DYRK1A: variants seen among roughly 807,000 people sequenced by gnomAD.
DYRK1A encodes the protein dual specificity tyrosine phosphorylation regulated kinase 1A, also known as dual specificity tyrosine-phosphorylation-regulated kinase 1A.
In DYRK1A, 9 loss-of-function variants were observed where a neutral mutation model predicts 79.7. The observed-to-expected ratio is 0.11, with a 90% CI of 0.07 to 0.20. DYRK1A has a LOEUF of 0.20. Ranked by LOEUF, DYRK1A falls within the 10% of genes least tolerant of loss-of-function variation. DYRK1A has a pLI of 1.00. For missense variants in DYRK1A, 622 were observed against 956.0 expected, an observed-to-expected ratio of 0.65 and a Z score of 4.61; for synonymous variants, 349 against 329.7, an observed-to-expected ratio of 1.06 and a Z score of -0.63.
intron 1 of DYRK1A, among the ~76,000 whole-genome samples, chr21:37,410,846 G>A (rs1490711636): frequency 2.0e-5 from 3 of 151,988 alleles, no homozygotes; most frequent in Non-Finnish European, 2.9e-5. Context: ...ACAAGAGTTC[G>A]GGACCAACCT....
rs963191422 is a variant in DYRK1A at position 37,513,369 on chromosome 21, T to C, written c.*838T>C. On this transcript the variant is annotated 3_prime_UTR_variant, in exon 12 of 12. Coordinates refer to ENST00000647188, the MANE Select transcript of DYRK1A (RefSeq NM_001347721.2). ...GTCTTTGGGATAACCTTTGGCCTTA[T>C]GGATTTGGACTCGAAATTAGAAGAG... The C allele has an allele frequency of 1.3e-5, 2 of 152,688 alleles. No homozygotes were observed. The highest frequency in any genetic ancestry group is 2.9e-5 in the Non-Finnish European group (2 of 68,082). The allele number at this position is 152,688 out of a possible 1,614,324, so 9.5% of individuals were successfully genotyped here. A position where few individuals can be genotyped will look rare whatever the true frequency, so the allele number is the denominator to read the frequency against.
chr21:37,489,358 G>A (rs1418459389), intron 6 of DYRK1A, among the ~76,000 whole-genome samples: 1 of 152,152 alleles, frequency 6.6e-6, no homozygotes, highest in Non-Finnish European at 1.5e-5. Context: ...TGTGACGTCA[G>A]TGTTAATAGT....
At chr21:37,472,364 T>C (rs1387984395) in intron 2 of DYRK1A, among the ~76,000 whole-genome samples, 1 of 152,208 alleles carries the variant, frequency 6.6e-6, no homozygotes, top group East Asian at 1.9e-4. Context: ...AAAGATTACT[T>C]ATTTAACTTG....
chr21:37,392,794 T>TA (rs2049895640), intron 1 of DYRK1A, among the ~76,000 whole-genome samples: 1 of 152,166 alleles, frequency 6.6e-6, no homozygotes, highest in Non-Finnish European at 1.5e-5. Flanking sequence ...AATAATTTCT[T>TA]ACAGTTCTGG....
intron 1 of DYRK1A, among the ~76,000 whole-genome samples, chr21:37,416,743 CTGT>C (rs1034144495): frequency 6.9e-4 from 105 of 151,920 alleles, no homozygotes; most frequent in African/African-American, 2.5e-3. Context: ...TGTAGCTTTT[CTGT>C]TGTTGCTTAT....
chr21:37,489,424 C>T (rs1034192024), intron 6 of DYRK1A, among the ~76,000 whole-genome samples: 4 of 152,218 alleles, frequency 2.6e-5, no homozygotes, highest in African/African-American at 7.2e-5. Context: ...AGAGGGTCAA[C>T]AGTGATAGCG....
intron 3 of DYRK1A, 35 bp from the exon 4 acceptor site, chr21:37,478,173 T>G (rs745325999): frequency 6.2e-7 from 1 of 1,611,842 alleles, no homozygotes; most frequent in East Asian, 2.2e-5. Flanking sequence ...CTTTTCTGTC[T>G]ATTTAAGGTG....
chr21:37,488,729 C>T, intron 6 of DYRK1A: 1 of 985,376 alleles, frequency 1.0e-6, no homozygotes, highest in Non-Finnish European at 1.2e-6. Context: ...ATTGGACGAA[C>T]ATTGTGATCA....
chr21:37,399,874 G>A (rs1484151816), intron 1 of DYRK1A, among the ~76,000 whole-genome samples: 1 of 152,208 alleles, frequency 6.6e-6, no homozygotes, highest in African/African-American at 2.4e-5. Flanking sequence ...GGTGACATTT[G>A]TAGAATGTAT....
intron 2 of DYRK1A, among the ~76,000 whole-genome samples, chr21:37,423,894 G>A (rs553395766): frequency 7.2e-4 from 109 of 152,076 alleles, no homozygotes; most frequent in African/African-American, 2.6e-3. Context: ...ATGAATTTAA[G>A]TACTTAAAAC....
intron 1 of DYRK1A, among the ~76,000 whole-genome samples, chr21:37,410,079 A>G (rs1231425696): frequency 6.6e-6 from 1 of 152,246 alleles, no homozygotes; most frequent in Non-Finnish European, 1.5e-5. Context: ...AACTATTTTG[A>G]AGGCTATAGG....
chr21:37,463,601 A>G (rs2051925470), intron 2 of DYRK1A, among the ~76,000 whole-genome samples: 1 of 152,086 alleles, frequency 6.6e-6, no homozygotes, highest in Non-Finnish European at 1.5e-5. Context: ...AATATTCCTG[A>G]TGGATTCAGT....
intron 2 of DYRK1A, among the ~76,000 whole-genome samples, chr21:37,421,041 T>G (rs1238230914): frequency 6.6e-6 from 1 of 152,160 alleles, no homozygotes; most frequent in Non-Finnish European, 1.5e-5. Flanking sequence ...CACATGGCTA[T>G]GTTCAAATTT....
intron 2 of DYRK1A, among the ~76,000 whole-genome samples, chr21:37,471,071 C>T (rs2052206133): frequency 1.3e-5 from 2 of 152,144 alleles, no homozygotes; most frequent in Non-Finnish European, 2.9e-5. Context: ...CCAGCTTCAG[C>T]AGGGGTAGAG....
chr21:37,368,493 C>G (rs766014036), intron 1 of DYRK1A, among the ~76,000 whole-genome samples: 4 of 152,168 alleles, frequency 2.6e-5, no homozygotes, highest in African/African-American at 4.8e-5. Flanking sequence ...TCGCCCAACC[C>G]TAGGTGACAC....
intron 5 of DYRK1A, among the ~76,000 whole-genome samples, chr21:37,483,021 G>A (rs1442841508): frequency 6.6e-6 from 1 of 152,072 alleles, no homozygotes; most frequent in Non-Finnish European, 1.5e-5. Context: ...TCTACAATTT[G>A]TGCAGTTAAT....
intron 2 of DYRK1A, among the ~76,000 whole-genome samples, chr21:37,458,288 G>GTGTC (rs2051722298): frequency 6.6e-6 from 1 of 151,452 alleles, no homozygotes; most frequent in Non-Finnish European, 1.5e-5. Flanking sequence ...GTGTGTGTGT[G>GTGTC]TGTGTGTGTG....
At chr21:37,488,920 G>A (rs1435253334) in intron 6 of DYRK1A, 4 of 939,632 alleles carry the variant, frequency 4.3e-6, no homozygotes, top group Non-Finnish European at 5.1e-6. Flanking sequence ...ACTAAGAGCA[G>A]ATATTTTACA....
intron 1 of DYRK1A, among the ~76,000 whole-genome samples, chr21:37,382,292 C>G (rs998904574): frequency 9.9e-5 from 15 of 151,574 alleles, no homozygotes; most frequent in South Asian, 8.3e-4. Context: ...CCAGGCTGGT[C>G]CAAACTCCTG....
Sources: allele counts gnomAD v4.1 joint callset (sites outside exome capture counted in the v4.1 genomes callset), GRCh38; gene constraint gnomAD v4.1.1; transcripts MANE v1.5; gene names NCBI Gene and HGNC (gene_info 2026-07-23, HGNC 2026-07-21).